Variants in CTDSP1 observed in about 807,000 individuals in gnomAD.
CTDSP1 encodes the protein carboxy-terminal domain RNA polymerase II polypeptide A small phosphatase 1.
Under a neutral mutation model 32.5 loss-of-function variants are expected in CTDSP1, and 15 were observed. The ratio of observed to expected loss-of-function variants is 0.46; its 90% CI spans 0.31 to 0.71. CTDSP1 has a LOEUF of 0.71. Among genes scored for constraint, CTDSP1 ranks in the 30% least tolerant of loss-of-function variants. CTDSP1 has a pLI of 0.05. For missense variants in CTDSP1, 294 were observed against 351.1 expected, an observed-to-expected ratio of 0.84 and a Z score of 1.30; for synonymous variants, 185 against 145.4, an observed-to-expected ratio of 1.27 and a Z score of -1.96.
chr2:218,402,051 C>A, intron 2 of CTDSP1, 60 bp from the exon 3 acceptor site: 1 of 1,164,860 alleles, frequency 8.6e-7, no homozygotes, highest in Non-Finnish European at 1.3e-6. Flanking sequence ...GAGAAGCCTG[C>A]GTGGGAGGAA....
At chr2:218,402,574 G>A (rs1245789168) in intron 4 of CTDSP1, 169 bp downstream of exon 4, 2 of 792,588 alleles carry the variant, frequency 2.5e-6, no homozygotes, top group Non-Finnish European at 4.5e-6. Flanking sequence ...AAGGGCTTGT[G>A]CTGACTCCAA....
chr2:218,397,811 A>C (rs1220388214), upstream of CTDSP1, among the ~76,000 whole-genome samples: 2 of 152,052 alleles, frequency 1.3e-5, no homozygotes, highest in East Asian at 3.9e-4. Flanking sequence ...TACCCGCCCC[A>C]GGCGTGGGGA....
Position 218,401,600 on chromosome 2 carries a change from G to C in CTDSP1, c.104G>C (p.Ser35Thr). Residue 35 changes from serine to threonine, a missense_variant, in exon 2 of 7, where the codon AGC becomes ACC. Ser to Thr is a moderately conservative substitution (Grantham distance 58). Around this residue, in one of 2 missense-constraint regions of CTDSP1, gnomAD observed 148 missense variants for 113.3 expected, o/e 1.31. Coordinates refer to ENST00000273062, the MANE Select transcript of CTDSP1 (RefSeq NM_021198.3). ...QKSAASQKPR[S>T]RGILHSLFCC... ...TCAGCAGCTTCCCAGAAGCCCCGAA[G>C]CCGGGGCATCCTCCACTCACTCTTC... is the stretch of plus-strand genomic sequence containing the variant. The C allele has an allele frequency of 8.7e-6, 14 of 1,613,944 alleles. No homozygotes were observed. Among genetic ancestry groups the C allele is most frequent in the Non-Finnish European group, 1.2e-5 (14 of 1,179,938 alleles).
At chr2:218,398,437 C>T, upstream of CTDSP1, 7 of 1,534,702 alleles carry the variant, frequency 4.6e-6, no homozygotes, top group Non-Finnish European at 6.1e-6. Flanking sequence ...GTGGGCTACC[C>T]AGGAGCAGGA....
chr2:218,404,265 C>T (rs765085061), intron 6 of CTDSP1, 32 bp from the exon 7 acceptor site: 59 of 1,607,834 alleles, frequency 3.7e-5, no homozygotes, highest in Admixed American at 8.4e-5. Context: ...GGACCACCTG[C>T]CCCCCTCATC....
chr2:218,405,691 CCCT>C lies in CTDSP1; in HGVS notation c.*1273_*1275del, dbSNP rs1393799921. On this transcript the variant is annotated 3_prime_UTR_variant, in exon 7 of 7. Transcript: ENST00000273062. ...CCTGCCTTCCAACTGTTTCTGAAGCCCCTCCTCCTAACATGGCGATTCCGGAGG... is the reference window on the plus strand; with the variant it reads ...CCTGCCTTCCAACTGTTTCTGAAGCCCCTCCTAACATGGCGATTCCGGAGG... The C allele has an allele frequency of 7.2e-5, 11 of 153,152 alleles. No homozygotes were observed. The highest frequency in any genetic ancestry group is 1.4e-4 in the African/African-American group (6 of 41,584). 9.5% of individuals were successfully genotyped at this position (153,152 alleles called of 1,614,324 possible).
chr2:218,403,969 A>C (rs1367116732), intron 6 of CTDSP1, among the ~76,000 whole-genome samples: 1 of 152,042 alleles, frequency 6.6e-6, no homozygotes, highest in Non-Finnish European at 1.5e-5. Context: ...CTGAGGTAGG[A>C]GTATCACTTG....
At chr2:218,402,893 T>C in intron 4 of CTDSP1, 142 bp from the exon 5 acceptor site, 2 of 683,926 alleles carry the variant, frequency 2.9e-6, no homozygotes, top group Non-Finnish European at 5.3e-6. Context: ...CCAGCAGTGG[T>C]CAGGGTAGCT....
At chr2:218,398,876 A>G (rs531008608), upstream of CTDSP1, 1 of 154,816 alleles carries the variant, frequency 6.5e-6, no homozygotes, top group East Asian at 1.9e-4. Flanking sequence ...TTGCAGCGAG[A>G]AGACAGGGAC....
At chr2:218,399,505 A>G (rs1696987938), upstream of CTDSP1, 1 of 152,692 alleles carries the variant, frequency 6.5e-6, no homozygotes, top group Non-Finnish European at 1.5e-5. Flanking sequence ...TCAACGAGGA[A>G]ACCGAGAAGC....
Position 218,399,980 on chromosome 2 carries a change from T to TTGCC in CTDSP1, c.-111_-110insTGCC. On this transcript the variant is annotated 5_prime_UTR_variant, in exon 1 of 7. Transcript: ENST00000273062. The stretch of plus-strand genomic sequence containing the variant: ...CCCTCCCCTCCGGAGCTCGCGGGGA[T>TTGCC]CCCTCCCTCCCACCCCTCCCCTCCC... 2.1e-6 allele frequency: 2 copies of TTGCC among 946,488 alleles called. No homozygotes were observed. Among genetic ancestry groups the TTGCC allele is most frequent in the Non-Finnish European group, 2.6e-6 (2 of 770,544 alleles). 58.6% of individuals were successfully genotyped at this position (946,488 alleles called of 1,614,324 possible).
chr2:218,402,906 C>A, intron 4 of CTDSP1, 129 bp from the exon 5 acceptor site: 1 of 714,192 alleles, frequency 1.4e-6, no homozygotes. Context: ...GGGTAGCTGG[C>A]CAAGCGGAGC....
upstream of CTDSP1, chr2:218,399,603 C>T (rs1446086267): frequency 2.0e-6 from 1 of 503,660 alleles, no homozygotes; most frequent in Non-Finnish European, 2.6e-6. Context: ...GCGGGCGGGC[C>T]TTGGCCGAGG....
rs767366643 is a variant in CTDSP1 at position 218,404,440 on chromosome 2, C to T, written c.*15C>T. The stretch of plus-strand genomic sequence containing the variant: ...CAGGGAGCTAGTGAGGGTGATGGGG[C>T]CAGGACCTGCCCCTGACCAATGATA... On this transcript the variant is annotated 3_prime_UTR_variant, in exon 7 of 7. Coordinates refer to ENST00000273062, the MANE Select transcript of CTDSP1 (RefSeq NM_021198.3). 6.2e-6 allele frequency: 10 copies of T among 1,613,444 alleles called. No homozygotes were observed. Among genetic ancestry groups the T allele is most frequent in the Non-Finnish European group, 8.5e-6 (10 of 1,179,750 alleles).
Position 218,402,528 on chromosome 2 carries a change from G to A in CTDSP1, c.378+123G>A, listed in dbSNP as rs1697203195. 3.8e-6 allele frequency: 4 copies of A among 1,042,684 alleles called. No homozygotes were observed. The African/African-American group carries it at 4.7e-5, about 12-fold the overall frequency. The allele number at this position is 1,042,684 out of a possible 1,614,324, so 64.6% of individuals were successfully genotyped here. On this transcript the variant is annotated intron_variant, in intron 4 of 6. Transcript: ENST00000273062. Reference sequence around the variant, plus strand: ...ATGTGGAATGTCAGAGGCCCAGAGAGGGTGTGAGACTTGTCCCAAAGTCAC... The same window carrying A: ...ATGTGGAATGTCAGAGGCCCAGAGAAGGTGTGAGACTTGTCCCAAAGTCAC...
chr2:218,401,524 A>G, intron 1 of CTDSP1, 40 bp from the exon 2 acceptor site: 2 of 1,609,800 alleles, frequency 1.2e-6, no homozygotes, highest in Non-Finnish European at 1.7e-6. Flanking sequence ...TCTGCAGGCC[A>G]GTGTGCACCG....
chr2:218,402,088 A>C (rs530558659), intron 2 of CTDSP1, 23 bp from the exon 3 acceptor site: 1 of 1,548,902 alleles, frequency 6.5e-7, no homozygotes, highest in African/African-American at 1.4e-5. Flanking sequence ...GAGGCACCCC[A>C]GCCAGCCCCG....
Position 218,400,374 on chromosome 2 carries a change from C to T in CTDSP1, c.67+217C>T, listed in dbSNP as rs1387822101. 6.1e-6 allele frequency: 4 copies of T among 660,482 alleles called. No individual in the cohort carries two copies. In the African/African-American group the frequency reaches 7.3e-5, roughly 12 times the overall value. 40.9% of individuals were successfully genotyped at this position (660,482 alleles called of 1,614,324 possible). ...GGCGCCTTTGGGGCGCTCCTGTTCG[C>T]TCGAGGTGAGGAAACTGAGGCAGGA... On this transcript the variant is annotated intron_variant, in intron 1 of 6. Coordinates refer to ENST00000273062, the MANE Select transcript of CTDSP1 (RefSeq NM_021198.3).
upstream of CTDSP1, chr2:218,399,594 C>A (rs1275201328): frequency 3.7e-5 from 14 of 378,130 alleles, no homozygotes; most frequent in East Asian, 1.6e-4. Context: ...GCGCTCCCGG[C>A]GGGCGGGCCT....
Sources: allele counts gnomAD v4.1 joint callset (sites outside exome capture counted in the v4.1 genomes callset), GRCh38; gene constraint gnomAD v4.1.1; regional missense constraint gnomAD v4.1.1; transcripts MANE v1.5; gene names NCBI Gene and HGNC (gene_info 2026-07-23, HGNC 2026-07-21).